FANCD2: variants seen among roughly 807,000 people sequenced by gnomAD.
The protein encoded by FANCD2 is FA complementation group D2.
Under a neutral mutation model 192.3 loss-of-function variants are expected in FANCD2, and 131 were observed. That is an observed-to-expected ratio of 0.68 (90% CI 0.59 to 0.79). The LOEUF is 0.79. Ranked by LOEUF, FANCD2 falls within the 30% of genes least tolerant of loss-of-function variation. FANCD2 has a pLI of 0.00. For synonymous variants in FANCD2, 524 were observed against 612.5 expected, an observed-to-expected ratio of 0.86 and a Z score of 2.13; for missense variants, 1,508 against 1,701.6, an observed-to-expected ratio of 0.89 and a Z score of 2.00.
intron 6 of FANCD2, among the ~76,000 whole-genome samples, chr3:10,035,714 C>G (rs2086712022): frequency 6.6e-6 from 1 of 152,108 alleles, no homozygotes; most frequent in Non-Finnish European, 1.5e-5. Context: ...CTCTTCTCCC[C>G]TACTGTTAAT....
At chr3:10,090,089 T>TA (rs1694494878) in intron 36 of FANCD2, among the ~76,000 whole-genome samples, 2 of 152,206 alleles carry the variant, frequency 1.3e-5, no homozygotes, top group African/African-American at 4.8e-5. Flanking sequence ...CCTCCTTTCA[T>TA]AAAGTTAATT....
intron 9 of FANCD2, 136 bp from the exon 10 acceptor site, chr3:10,041,487 T>C: frequency 1.5e-6 from 1 of 657,622 alleles, no homozygotes; most frequent in South Asian, 1.7e-5. Context: ...TAAAGAAACA[T>C]ACTATAAACG....
chr3:10,035,344 TTTG>T (rs2086702159), intron 6 of FANCD2, 111 bp downstream of exon 6: 2 of 941,814 alleles, frequency 2.1e-6, no homozygotes. Context: ...AGAATTTGGG[TTTG>T]TAGCAGCTTT....
rs189978498 is a variant in FANCD2, at chr3:10,043,619, A to G, written c.1098+27A>G. On this transcript the variant is annotated intron_variant, in intron 13 of 43. Coordinates refer to ENST00000675286, the MANE Select transcript of FANCD2 (RefSeq NM_001018115.3). The stretch of plus-strand genomic sequence containing the variant: ...TGAGATCTTTGGAACTTTGATTATC[A>G]AGGAGGAAATGAGTGGCAATTAGTG... The G allele has an allele frequency of 4.9e-5, 77 of 1,555,728 alleles. 1 individual carries two copies. The African/African-American group carries it at 9.0e-4, about 18-fold the overall frequency.
At chr3:10,092,376 C>T (rs1039851253) in intron 38 of FANCD2, 124 bp downstream of exon 38, 49 of 799,454 alleles carry the variant, frequency 6.1e-5, no homozygotes, top group African/African-American at 3.4e-4. Flanking sequence ...CTCCCTGAGT[C>T]GTCTTCTTCC....
intron 10 of FANCD2, among the ~76,000 whole-genome samples, chr3:10,041,968 C>T (rs897740778): frequency 2.0e-5 from 3 of 151,272 alleles, no homozygotes; most frequent in Non-Finnish European, 4.4e-5. Flanking sequence ...GTGCAATCTC[C>T]GCTAACTGCA....
intron 9 of FANCD2, chr3:10,040,145 C>G (rs1210657731): frequency 2.5e-6 from 1 of 402,440 alleles, no homozygotes; most frequent in African/African-American, 2.0e-5. Context: ...CCCCATTCTC[C>G]TGCCTCAGCC....
At chr3:10,099,413 G>A (rs764679262) in intron 43 of FANCD2, 16 of 881,438 alleles carry the variant, frequency 1.8e-5, no homozygotes, top group South Asian at 3.3e-5. Flanking sequence ...GCTTGAGTCC[G>A]GGAGCTCAAG....
chr3:10,043,294 G>T (rs2086912160), intron 12 of FANCD2, 144 bp downstream of exon 12: 12 of 792,726 alleles, frequency 1.5e-5, no homozygotes, highest in Non-Finnish European at 1.7e-5. Flanking sequence ...ATATATGTAT[G>T]TGAGTATGTA....
intron 31 of FANCD2, 52 bp from the exon 32 acceptor site, chr3:10,081,294 A>C: frequency 6.2e-7 from 1 of 1,612,916 alleles, no homozygotes; most frequent in South Asian, 1.1e-5. Flanking sequence ...GAGAAAAAGG[A>C]AAATGAGGAC....
chr3:10,031,686 G>A (rs968451726), intron 2 of FANCD2, among the ~76,000 whole-genome samples: 1 of 152,128 alleles, frequency 6.6e-6, no homozygotes, highest in African/African-American at 2.4e-5. Context: ...TCAAAGATAT[G>A]ATACAAAGAA....
chr3:10,042,822 A>G (rs2124991773), intron 11 of FANCD2, among the ~76,000 whole-genome samples, 159 bp downstream of exon 11: 1 of 152,330 alleles, frequency 6.6e-6, no homozygotes, highest in East Asian at 1.9e-4. Context: ...AAGCTGCTAT[A>G]AGTTACATTT....
chr3:10,031,392 A>G (rs775065594), intron 2 of FANCD2, among the ~76,000 whole-genome samples: 2 of 151,940 alleles, frequency 1.3e-5, no homozygotes, highest in South Asian at 2.1e-4. Flanking sequence ...AGTCCCAGCT[A>G]CTGGGAGGCT....
chr3:10,077,753 G>T (rs1693613327), intron 29 of FANCD2, among the ~76,000 whole-genome samples: 1 of 151,946 alleles, frequency 6.6e-6, no homozygotes, highest in Admixed American at 6.6e-5. Context: ...GCTGGGCCCA[G>T]GTGTGGTGGT....
intron 41 of FANCD2, among the ~76,000 whole-genome samples, chr3:10,095,559 T>A (rs1287361577): frequency 6.6e-6 from 1 of 152,184 alleles, no homozygotes; most frequent in Non-Finnish European, 1.5e-5. Context: ...TTCTGCAAAG[T>A]CCTCTAGGTA....
intron 17 of FANCD2, among the ~76,000 whole-genome samples, chr3:10,050,646 C>G (rs921744251): frequency 1.6e-4 from 23 of 142,410 alleles, no homozygotes; most frequent in African/African-American, 5.5e-4. Context: ...AAAAAAAAGG[C>G]TTAGAAGAGC....
intron 1 of FANCD2, among the ~76,000 whole-genome samples, chr3:10,027,282 T>A (rs1224713006): frequency 6.6e-6 from 1 of 152,166 alleles, no homozygotes; most frequent in African/African-American, 2.4e-5. Context: ...GCAGGGAAGC[T>A]GCAGTAGCAA....
intron 25 of FANCD2, among the ~76,000 whole-genome samples, chr3:10,066,807 C>T (rs143820338): frequency 2.0e-4 from 31 of 152,290 alleles, no homozygotes; most frequent in African/African-American, 7.5e-4. Context: ...TCACTGCAAC[C>T]TCCGCCTCCC....
intron 33 of FANCD2, among the ~76,000 whole-genome samples, chr3:10,086,607 A>T (rs1694222019): frequency 6.6e-6 from 1 of 151,852 alleles, no homozygotes; most frequent in African/African-American, 2.4e-5. Flanking sequence ...TCAGCCTCCC[A>T]AGACGCTGGG....
Sources: allele counts gnomAD v4.1 joint callset (sites outside exome capture counted in the v4.1 genomes callset), GRCh38; gene constraint gnomAD v4.1.1; transcripts MANE v1.5; gene names NCBI Gene and HGNC (gene_info 2026-07-23, HGNC 2026-07-21).